ZNF782: variants seen among roughly 807,000 people sequenced by gnomAD.
The protein encoded by ZNF782 is zinc finger protein 782.
In ZNF782, 12 loss-of-function variants were observed where a neutral mutation model predicts 13.0. The observed-to-expected ratio is 0.92, with a 90% confidence interval of 0.59 to 1.50. The LOEUF (loss-of-function observed/expected upper bound fraction) is 1.50. Ranked by LOEUF, ZNF782 falls within the 40% of genes most tolerant of loss-of-function variation. The pLI, the probability that ZNF782 is intolerant of heterozygous loss-of-function variation, is 0.00. For synonymous variants in ZNF782, 284 were observed against 283.0 expected (o/e 1.00, Z -0.04); for missense variants, 770 against 822.9 (o/e 0.94, Z 0.79).
At chr9:96,914,412 G>A in the ZNF782 span, among the ~76,000 whole-genome samples, 3 of 151,740 alleles carry the variant, frequency 2.0e-5, no homozygotes, top group East Asian at 3.9e-4. Context: ...GAGCCACCGC[G>A]CCCGGCCCAC....
At chr9:96,905,222 A>G in the ZNF782 span, among the ~76,000 whole-genome samples, 11 of 138,542 alleles carry the variant, frequency 7.9e-5, no homozygotes, top group Non-Finnish European at 1.3e-4. Context: ...CTGATAAAAC[A>G]AGTTGCAGTA....
downstream of ZNF782, among the ~76,000 whole-genome samples, chr9:96,816,262 T>C (rs1850163203): frequency 6.6e-6 from 1 of 152,226 alleles, no homozygotes; most frequent in South Asian, 2.1e-4. Flanking sequence ...GAATGTGGTA[T>C]CAGATATTTT....
At chr9:96,836,856 A>T (rs1367877794) in intron 4 of ZNF782, among the ~76,000 whole-genome samples, 2 of 152,084 alleles carry the variant, frequency 1.3e-5, no homozygotes, top group African/African-American at 2.4e-5. Context: ...GTTGTTAAAG[A>T]GCCTGGTTTC....
intron 1 of ZNF782, among the ~76,000 whole-genome samples, chr9:96,874,240 T>C (rs533359591): frequency 6.6e-6 from 1 of 152,350 alleles, no homozygotes; most frequent in Admixed American, 6.5e-5. Flanking sequence ...GGATAATTCA[T>C]GGACACTCTG....
chr9:96,896,045 G>T, the ZNF782 span: 2 of 152,184 alleles, frequency 1.3e-5, no homozygotes, highest in African/African-American at 4.8e-5. Context: ...AGCCTGTGAA[G>T]AAAACAGATA....
the ZNF782 span, among the ~76,000 whole-genome samples, chr9:96,931,136 C>T: frequency 6.6e-6 from 1 of 152,058 alleles, no homozygotes; most frequent in African/African-American, 2.4e-5. Flanking sequence ...GATCCACCCG[C>T]CTGGGCCTCC....
At chr9:96,879,039 T>G (rs1282171999), upstream of ZNF782, among the ~76,000 whole-genome samples, 1 of 152,252 alleles carries the variant, frequency 6.6e-6, no homozygotes, top group African/African-American at 2.4e-5. Flanking sequence ...ACTATTCATG[T>G]TTTAATGGAA....
intron 1 of ZNF782, among the ~76,000 whole-genome samples, chr9:96,853,872 G>A (rs1237128775): frequency 6.6e-6 from 1 of 152,194 alleles, no homozygotes; most frequent in Non-Finnish European, 1.5e-5. Flanking sequence ...GGCACCCAAC[G>A]AATGGAACAA....
In ZNF782 at chr9:96,819,457, T is replaced by C. The variant is rs768753437; in HGVS notation, c.566A>G (p.Tyr189Cys). 9.9e-6 allele frequency: 16 copies of C among 1,614,040 alleles called. No individual in the cohort carries two copies. The Admixed American group carries it at 2.3e-4, about 24-fold the overall frequency. The change falls in exon 6 of 6, where the codon TAT becomes TGT. Residue 189 changes from tyrosine (Y) to cysteine (C), a missense_variant. Physicochemically the swap from Tyr to Cys is radical, Grantham distance 194 (BLOSUM62 -2). Transcript: ENST00000481138. ...RTNTQEKSFA[Y>C]SKIVKTLHHK... ...ATGGAGGGTTTTCACAATTTTACTA[T>C]AAGCGAAAGATTTCTCTTGAGTGTT... is the stretch of plus-strand genomic sequence containing the variant.
At chr9:96,899,495 T>C in the ZNF782 span, among the ~76,000 whole-genome samples, 2 of 152,268 alleles carry the variant, frequency 1.3e-5, no homozygotes, top group South Asian at 2.1e-4. Context: ...ATAGGTACTA[T>C]ATTGGTTCAT....
chr9:96,900,244 A>G, the ZNF782 span, among the ~76,000 whole-genome samples: 1 of 149,994 alleles, frequency 6.7e-6, no homozygotes, highest in Non-Finnish European at 1.5e-5. Context: ...TGCATTGCCC[A>G]ACCCTCACAG....
chr9:96,896,663 A>G, the ZNF782 span, among the ~76,000 whole-genome samples: 1 of 152,176 alleles, frequency 6.6e-6, no homozygotes, highest in Middle Eastern at 3.4e-3. Flanking sequence ...TGAGTGTGTT[A>G]CTCTCTGACC....
At chr9:96,839,923 A>G (rs1851136697) in intron 4 of ZNF782, among the ~76,000 whole-genome samples, 1 of 152,160 alleles carries the variant, frequency 6.6e-6, no homozygotes, top group Admixed American at 6.5e-5. Flanking sequence ...TCAATGATGT[A>G]CATTTGGGTT....
the ZNF782 span, among the ~76,000 whole-genome samples, chr9:96,930,393 G>A: frequency 1.3e-5 from 2 of 152,136 alleles, no homozygotes; most frequent in African/African-American, 2.4e-5. Flanking sequence ...GCATGGTGGC[G>A]GGAGCCTGTA....
the ZNF782 span, among the ~76,000 whole-genome samples, chr9:96,884,376 T>A: frequency 6.6e-6 from 1 of 152,218 alleles, no homozygotes; most frequent in Non-Finnish European, 1.5e-5. Flanking sequence ...CATTGGGTGC[T>A]GACCCTTCAC....
In ZNF782 at chr9:96,818,816, A is replaced by G. The variant is rs1850289192; in HGVS notation, c.1207T>C (p.Phe403Leu). The change falls in exon 6 of 6, where the codon TTC becomes CTC. Residue 403 changes from phenylalanine to leucine, a missense_variant. Physicochemically the swap from Phe to Leu is conservative, Grantham distance 22. Transcript: ENST00000481138. ...TTTCTTAGGCGTGACTTCTCACTGA[A>G]GGCTTTCCCGCACTCAGGACATTCA... is the stretch of plus-strand genomic sequence containing the variant. ...PYECPECGKA[F>L]SEKSRLRKHQ... 6.2e-7 allele frequency: 1 copy of G among 1,613,986 alleles called. No individual in the cohort carries two copies. The highest frequency in any genetic ancestry group is 8.5e-7 in the Non-Finnish European group (1 of 1,180,006).
chr9:96,897,916 GAA>G, the ZNF782 span: 1 of 151,358 alleles, frequency 6.6e-6, no homozygotes, highest in Non-Finnish European at 1.5e-5. Context: ...AGGTCCTTAA[GAA>G]AAGAATAAAA....
intron 3 of ZNF782, among the ~76,000 whole-genome samples, chr9:96,849,625 T>TA (rs1851435241): frequency 1.3e-5 from 2 of 152,270 alleles, no homozygotes; most frequent in South Asian, 4.1e-4. Context: ...TCGTGACTAA[T>TA]ACCCCAAAAG....
the ZNF782 span, among the ~76,000 whole-genome samples, chr9:96,933,242 T>C: frequency 6.6e-6 from 1 of 151,852 alleles, no homozygotes; most frequent in African/African-American, 2.4e-5. Flanking sequence ...CCTCCCAAAG[T>C]GCTGCGATTG....
Sources: gnomAD v4.1 joint callset for allele counts (sites outside exome capture counted in the v4.1 genomes callset) on GRCh38, gnomAD v4.1.1 for gene constraint, MANE v1.5 for transcripts, NCBI Gene and HGNC (gene_info 2026-07-23, HGNC 2026-07-21) for gene names.